NAALADL2: variants seen among roughly 807,000 people sequenced by gnomAD.
NAALADL2 encodes N-acetylated alpha-linked acidic dipeptidase like 2, also known as inactive N-acetylated-alpha-linked acidic dipeptidase-like protein 2.
In NAALADL2, 76 loss-of-function variants were observed where a neutral mutation model predicts 87.2. The observed-to-expected ratio is 0.87, with a 90% CI of 0.72 to 1.05. The LOEUF is 1.05. NAALADL2 is among the 50% of genes least tolerant of loss of function. The pLI is 0.00. For synonymous variants in NAALADL2, 354 were observed against 331.0 expected, an observed-to-expected ratio of 1.07 and a Z score of -0.75; for missense variants, 1,089 against 945.8, an observed-to-expected ratio of 1.15 and a Z score of -1.99.
chr3:175,678,751 C>T (rs1047691911), intron 11 of NAALADL2, among the ~76,000 whole-genome samples: 1 of 152,074 alleles, frequency 6.6e-6, no homozygotes, highest in Non-Finnish European at 1.5e-5. Context: ...TGAGGGATAG[C>T]ATTAGGAGAT....
chr3:175,510,975 T>C (rs1731070729), intron 9 of NAALADL2, among the ~76,000 whole-genome samples: 1 of 152,214 alleles, frequency 6.6e-6, no homozygotes, highest in South Asian at 2.1e-4. Context: ...GATGATGTTA[T>C]CGGTCCTCTC....
intron 9 of NAALADL2, among the ~76,000 whole-genome samples, chr3:175,533,663 A>G (rs963053789): frequency 1.4e-4 from 22 of 152,120 alleles, no homozygotes; most frequent in African/African-American, 5.1e-4. Context: ...TTCCCAATCA[A>G]TGCCCTCACT....
intron 1 of NAALADL2, among the ~76,000 whole-genome samples, chr3:174,972,130 G>C (rs9854434): frequency 0.66 from 99,706 of 152,040 alleles, 34,219 homozygotes; most frequent in African/African-American, 0.87. Flanking sequence ...ACTTTTCATT[G>C]ATTGAACTGT....
intron 9 of NAALADL2, among the ~76,000 whole-genome samples, chr3:175,560,246 T>C (rs1716052129): frequency 6.6e-6 from 1 of 152,196 alleles, no homozygotes; most frequent in Non-Finnish European, 1.5e-5. Context: ...CCACTAATGA[T>C]CCTGTAAATT....
chr3:174,546,442 G>T (rs1031686399), intron 1 of NAALADL2, among the ~76,000 whole-genome samples: 3 of 152,092 alleles, frequency 2.0e-5, no homozygotes, highest in African/African-American at 7.2e-5. Context: ...CATTCAAGGA[G>T]TCCTATTCTT....
intron 5 of NAALADL2, among the ~76,000 whole-genome samples, chr3:175,330,636 C>T (rs1449081246): frequency 6.6e-6 from 1 of 151,896 alleles, no homozygotes; most frequent in Non-Finnish European, 1.5e-5. Context: ...CATACCAAAA[C>T]CTATGAGATA....
At chr3:175,608,544 G>T (rs1724107173) in intron 10 of NAALADL2, among the ~76,000 whole-genome samples, 1 of 151,934 alleles carries the variant, frequency 6.6e-6, no homozygotes, top group Non-Finnish European at 1.5e-5. Flanking sequence ...CTCTCTCCCA[G>T]TGTGTTTTTC....
chr3:174,904,896 A>G (rs534834562), intron 1 of NAALADL2, among the ~76,000 whole-genome samples: 2 of 151,928 alleles, frequency 1.3e-5, no homozygotes, highest in South Asian at 2.1e-4. Context: ...TATGTGGGAT[A>G]GAGGTAGTTT....
chr3:174,829,850 A>G (rs1722452572), intron 3 of NAALADL2, among the ~76,000 whole-genome samples: 3 of 135,292 alleles, frequency 2.2e-5, no homozygotes, highest in Non-Finnish European at 4.8e-5. Flanking sequence ...TTTGATTTGC[A>G]TTTCTCTGAT....
intron 3 of NAALADL2, among the ~76,000 whole-genome samples, chr3:175,251,804 T>G (rs1369370041): frequency 6.6e-6 from 1 of 152,228 alleles, no homozygotes; most frequent in South Asian, 2.1e-4. Context: ...TTTTAAGGCT[T>G]GCTTTGAAGG....
intron 2 of NAALADL2, among the ~76,000 whole-genome samples, chr3:174,718,074 A>G (rs1403464090): frequency 6.6e-6 from 1 of 152,154 alleles, no homozygotes; most frequent in Non-Finnish European, 1.5e-5. Flanking sequence ...GGTTGCAGTG[A>G]GCGCTCCAGC....
intron 1 of NAALADL2, among the ~76,000 whole-genome samples, chr3:174,470,138 T>C (rs1716808502): frequency 6.6e-6 from 1 of 152,162 alleles, no homozygotes; most frequent in Admixed American, 6.5e-5. Context: ...AATTCCCTTT[T>C]CTCCACAACC....
chr3:175,362,949 C>G (rs1175131110), intron 5 of NAALADL2, among the ~76,000 whole-genome samples: 1 of 147,788 alleles, frequency 6.8e-6, no homozygotes, highest in Non-Finnish European at 1.5e-5. Context: ...TTGTTTTCTC[C>G]TGTTTTCTGA....
intron 1 of NAALADL2, among the ~76,000 whole-genome samples, chr3:174,468,374 CTT>C (rs1178707166): frequency 2.4e-4 from 34 of 142,788 alleles, no homozygotes; most frequent in Non-Finnish European, 5.0e-4. Context: ...TTCTTTCTTT[CTT>C]TCTTTTTCTT....
chr3:174,941,193 G>A (rs531436434), intron 1 of NAALADL2, among the ~76,000 whole-genome samples: 1 of 152,020 alleles, frequency 6.6e-6, no homozygotes, highest in Non-Finnish European at 1.5e-5. Flanking sequence ...AGATTCTGGT[G>A]CATTGTATCT....
At chr3:175,026,179 G>T (rs1168802918) in intron 1 of NAALADL2, among the ~76,000 whole-genome samples, 1 of 152,014 alleles carries the variant, frequency 6.6e-6, no homozygotes, top group Non-Finnish European at 1.5e-5. Context: ...CTAAAGAAGT[G>T]CTAGATTCTA....
At chr3:174,763,818 CCAAAA>C (rs1713411425) in intron 3 of NAALADL2, among the ~76,000 whole-genome samples, 1 of 86,704 alleles carries the variant, frequency 1.2e-5, no homozygotes, top group African/African-American at 5.6e-5. Context: ...AAAACTAAAA[CCAAAA>C]CAAAACAAAA....
chr3:174,527,412 G>A (rs968832040), intron 1 of NAALADL2, among the ~76,000 whole-genome samples: 3 of 151,762 alleles, frequency 2.0e-5, no homozygotes, highest in Non-Finnish European at 4.4e-5. Context: ...CCAGCTACTC[G>A]GGAGGCTGAG....
At chr3:174,691,303 T>G (rs760109367) in intron 2 of NAALADL2, among the ~76,000 whole-genome samples, 1 of 151,786 alleles carries the variant, frequency 6.6e-6, no homozygotes, top group Non-Finnish European at 1.5e-5. Flanking sequence ...TCCCAGATAC[T>G]TGGGAGACTG....
Sources: gnomAD v4.1 joint callset for allele counts (sites outside exome capture counted in the v4.1 genomes callset) on GRCh38, gnomAD v4.1.1 for gene constraint, MANE v1.5 for transcripts, NCBI Gene and HGNC (gene_info 2026-07-23, HGNC 2026-07-21) for gene names.